The following HEPH variants were observed in gnomAD, a reference collection of about 807,000 sequenced individuals.
The protein encoded by HEPH is hephaestin.
HEPH carries 69 observed loss-of-function variants against 80.8 expected under a neutral mutation model. The ratio of observed to expected loss-of-function variants is 0.85; its 90% confidence interval spans 0.70 to 1.04. The LOEUF is 1.04. HEPH is among the 50% of genes least tolerant of loss of function. The pLI is 0.00. For missense variants in HEPH, 1,115 were observed against 891.3 expected (o/e 1.25, Z -3.20); for synonymous variants, 431 against 322.8 (o/e 1.34, Z -3.60).
chrX:66,197,853 C>G lies in HEPH; in HGVS notation c.1672C>G (p.Leu558Val). The change falls in exon 10 of 21, where the codon CTG becomes GTG. Residue 558 changes from leucine to valine, a missense_variant. Physicochemically the swap from Leu to Val is conservative, Grantham distance 32. Coordinates refer to ENST00000343002, the MANE Select transcript of HEPH (RefSeq NM_001367233.3). Reference sequence around the variant, plus strand: ...AAATTCTGGCCTGGTGGGCCCGCTGCTGGTGTGCAGGGCTGGTGCCTTGGG... The same window carrying G: ...AAATTCTGGCCTGGTGGGCCCGCTGGTGGTGTGCAGGGCTGGTGCCTTGGG... ...DTNSGLVGPLLVCRAGALGAD... is the reference protein window; with the variant it reads ...DTNSGLVGPLVVCRAGALGAD... 11 of 1,207,650 alleles carry G rather than the reference C, an allele frequency of 9.1e-6. No individual in the cohort carries two copies. Among genetic ancestry groups the G allele is most frequent in the Non-Finnish European group, 1.2e-5 (11 of 893,399 alleles).
At chrX:66,223,153 G>T (rs1251190893) in intron 15 of HEPH, among the ~76,000 whole-genome samples, 1 of 111,303 alleles carries the variant, frequency 9.0e-6, no homozygotes, top group Non-Finnish European at 1.9e-5. Flanking sequence ...TCAGGCTGGT[G>T]CTGGTTTACT....
At chrX:66,233,119 C>T (rs1050203827) in intron 15 of HEPH, among the ~76,000 whole-genome samples, 1 of 111,831 alleles carries the variant, frequency 8.9e-6, no homozygotes, top group Non-Finnish European at 1.9e-5. Flanking sequence ...ATATGTCACA[C>T]GTTAAAATTA....
At position 66,173,652 on chromosome X, in the gene HEPH, G is replaced by A. The variant is rs200581468; in HGVS notation, c.476G>A (p.Gly159Asp). The stretch of plus-strand genomic sequence containing the variant: ...GCTGATGACTCTGTTCCCCCGGGGG[G>A]CAGCCATATCTACAACTGGACCATT... Reference protein sequence around the residue: ...LKADDSVPPGGSHIYNWTIPE... With the variant: ...LKADDSVPPGDSHIYNWTIPE... The change falls in exon 4 of 21, where the codon GGC (glycine) becomes GAC (aspartate). Residue 159 changes from glycine (G) to aspartate (D), a missense_variant. Physicochemically the swap from Gly to Asp is moderately conservative, Grantham distance 94 (BLOSUM62 -1). Coordinates refer to ENST00000343002, the MANE Select transcript of HEPH (RefSeq NM_001367233.3). 12 of 1,207,921 alleles carry A rather than the reference G, an allele frequency of 9.9e-6. No individual in the cohort carries two copies. The highest frequency in any genetic ancestry group is 2.2e-5 in the Admixed American group (1 of 45,575).
chrX:66,262,946 G>C (rs2091415054), intron 19 of HEPH, among the ~76,000 whole-genome samples: 1 of 111,300 alleles, frequency 9.0e-6, no homozygotes, highest in Non-Finnish European at 1.9e-5. Context: ...TGGTAGAATT[G>C]GAGTAGACAT....
chrX:66,260,029 G>T, intron 18 of HEPH, 71 bp from the exon 19 acceptor site: 1 of 959,775 alleles, frequency 1.0e-6, no homozygotes, highest in Non-Finnish European at 1.5e-6. Flanking sequence ...ACAATTTTTT[G>T]GTTCCTGAAA....
intron 15 of HEPH, among the ~76,000 whole-genome samples, chrX:66,237,845 C>G (rs911411591): frequency 4.5e-5 from 5 of 112,293 alleles, no homozygotes; most frequent in Non-Finnish European, 9.4e-5. Context: ...GTTAGGTGCT[C>G]TTGTTGAAGT....
At chrX:66,246,944 T>C (rs2090833601) in intron 15 of HEPH, among the ~76,000 whole-genome samples, 1 of 112,317 alleles carries the variant, frequency 8.9e-6, no homozygotes. Flanking sequence ...TTGTCAAATA[T>C]AGAATTCTTT....
intron 15 of HEPH, among the ~76,000 whole-genome samples, chrX:66,247,560 G>T (rs1428428363): frequency 9.0e-6 from 1 of 110,754 alleles, no homozygotes; most frequent in Non-Finnish European, 1.9e-5. Context: ...TTCAGATATG[G>T]TTTTAAGTTT....
At chrX:66,236,866 A>G (rs1031846437) in intron 15 of HEPH, among the ~76,000 whole-genome samples, 3 of 111,274 alleles carry the variant, frequency 2.7e-5, no homozygotes, top group East Asian at 2.8e-4. Flanking sequence ...ATATGTCCAG[A>G]AATTTATCAA....
Position 66,266,728 on chromosome X carries a change from G to A in HEPH, c.*56G>A. ...CACATCTGTAGTGCACTCCCAGCAG[G>A]CCATGGACTAGTCACTAACCCCACA... is the stretch of plus-strand genomic sequence containing the variant. On this transcript the variant is annotated 3_prime_UTR_variant, in exon 21 of 21. Transcript: ENST00000343002. 4.7e-6 allele frequency: 4 copies of A among 849,934 alleles called. No individual in the cohort carries two copies. The highest frequency in any genetic ancestry group is 6.8e-6 in the Non-Finnish European group (4 of 584,854). 70.0% of individuals were successfully genotyped at this position (849,934 alleles called of 1,213,427 possible). A position where few individuals can be genotyped will look rare whatever the true frequency, so the allele number is the denominator to read the frequency against.
At chrX:66,214,104 T>C (rs1223847743) in intron 15 of HEPH, among the ~76,000 whole-genome samples, 3 of 111,925 alleles carry the variant, frequency 2.7e-5, no homozygotes, top group Non-Finnish European at 5.6e-5. Context: ...GTCTGTGCTG[T>C]AGATCTAGCT....
intron 20 of HEPH, among the ~76,000 whole-genome samples, chrX:66,265,739 G>A (rs2091518916): frequency 9.0e-6 from 1 of 111,690 alleles, no homozygotes; most frequent in Non-Finnish European, 1.9e-5. Flanking sequence ...GCCTGAAAGG[G>A]GATCACTTTT....
At chrX:66,263,169 G>A (rs2091422168) in intron 19 of HEPH, among the ~76,000 whole-genome samples, 2 of 111,890 alleles carry the variant, frequency 1.8e-5, no homozygotes, top group Non-Finnish European at 3.8e-5. Context: ...ACAAAAAGAG[G>A]AGGAACAATG....
At chrX:66,259,160 G>A (rs2091276683) in intron 18 of HEPH, among the ~76,000 whole-genome samples, 181 bp downstream of exon 18, 1 of 111,975 alleles carries the variant, frequency 8.9e-6, no homozygotes, top group African/African-American at 3.2e-5. Flanking sequence ...ATAACTTCCC[G>A]CTAGGCCCTA....
intron 15 of HEPH, among the ~76,000 whole-genome samples, chrX:66,216,863 G>A (rs547647360): frequency 3.6e-5 from 4 of 111,642 alleles, no homozygotes; most frequent in African/African-American, 6.5e-5. Flanking sequence ...GAAATAGACA[G>A]CATAAGTAAA....
In HEPH at chrX:66,170,776, G is replaced by A. The variant is rs185022485; in HGVS notation, c.167+39G>A. On this transcript the variant is annotated intron_variant, in intron 2 of 20. Coordinates refer to ENST00000343002, the MANE Select transcript of HEPH (RefSeq NM_001367233.3). ...CTTGTGGTATTTGAGGGGAAGTTAT[G>A]GGAGCACTCTTGAGGTCAGGAAGTA... The A allele has an allele frequency of 7.9e-6, 9 of 1,142,398 alleles. No individual in the cohort carries two copies. The East Asian group carries it at 2.8e-4, about 35-fold the overall frequency. 94.1% of individuals were successfully genotyped at this position (1,142,398 alleles called of 1,213,427 possible). A position where few individuals can be genotyped will look rare whatever the true frequency, so the allele number is the denominator to read the frequency against.
intron 12 of HEPH, among the ~76,000 whole-genome samples, 197 bp from the exon 13 acceptor site, chrX:66,203,167 A>T (rs1189124445): frequency 2.7e-5 from 3 of 109,683 alleles, no homozygotes; most frequent in Non-Finnish European, 5.7e-5. Context: ...TTGGAGCCGG[A>T]GCTCTTAACC....
rs1258361277 is a variant in HEPH at position 66,164,293 on chromosome X, C to G, written c.-191C>G. 2.7e-6 allele frequency: 2 copies of G among 751,173 alleles called. No homozygotes were observed. Among genetic ancestry groups the G allele is most frequent in the Non-Finnish European group, 3.1e-6 (2 of 636,834 alleles). 61.9% of individuals were successfully genotyped at this position (751,173 alleles called of 1,213,427 possible). A position where few individuals can be genotyped will look rare whatever the true frequency, so the allele number is the denominator to read the frequency against. On this transcript the variant is annotated 5_prime_UTR_variant, in exon 1 of 21. Coordinates refer to ENST00000343002, the MANE Select transcript of HEPH (RefSeq NM_001367233.3). ...GAAAAGAGGGCACCCAGCCCTTCCC[C>G]CTCCCTCATCCTCCCATCCCAGTAA...
chrX:66,261,048 A>T (rs1463431689), intron 19 of HEPH, among the ~76,000 whole-genome samples: 1 of 111,950 alleles, frequency 8.9e-6, no homozygotes, highest in African/African-American at 3.2e-5. Flanking sequence ...AAGTGCTGGG[A>T]TTGCAGGCAT....
Sources: gnomAD v4.1 joint callset for allele counts (sites outside exome capture counted in the v4.1 genomes callset) on GRCh38, gnomAD v4.1.1 for gene constraint, MANE v1.5 for transcripts, NCBI Gene and HGNC (gene_info 2026-07-23, HGNC 2026-07-21) for gene names.